Variants in DLGAP2 observed in about 807,000 individuals in gnomAD.
The protein encoded by DLGAP2 is DLG associated protein 2.
Under a neutral mutation model 100.3 loss-of-function variants are expected in DLGAP2, and 26 were observed. That is an observed-to-expected ratio of 0.26 (90% CI 0.19 to 0.36). The LOEUF (loss-of-function observed/expected upper bound fraction) is 0.36. Ranked by LOEUF, DLGAP2 falls within the 10% of genes least tolerant of loss-of-function variation. The pLI, the probability that DLGAP2 is intolerant of heterozygous loss-of-function variation, is 1.00. For missense variants in DLGAP2, 1,858 were observed against 1,453.2 expected, an observed-to-expected ratio of 1.28 and a Z score of -4.53; for synonymous variants, 886 against 630.1, an observed-to-expected ratio of 1.41 and a Z score of -6.08.
chr8:1,218,673 G>A (rs954356909), intron 2 of DLGAP2, among the ~76,000 whole-genome samples: 1 of 152,142 alleles, frequency 6.6e-6, no homozygotes, highest in Non-Finnish European at 1.5e-5. Context: ...GGAAAATCAT[G>A]TTGGTAGTTT....
chr8:1,509,729 A>G (rs1231462710), intron 4 of DLGAP2, among the ~76,000 whole-genome samples: 3 of 152,030 alleles, frequency 2.0e-5, no homozygotes, highest in Non-Finnish European at 2.9e-5. Flanking sequence ...TAACCTTCCT[A>G]CCTCGTTGGA....
chr8:1,357,907 T>C (rs1402736129), intron 3 of DLGAP2, among the ~76,000 whole-genome samples: 1 of 152,148 alleles, frequency 6.6e-6, no homozygotes, highest in Non-Finnish European at 1.5e-5. Flanking sequence ...GACATGGATG[T>C]TGGCTCCCCA....
At chr8:1,473,858 C>A (rs1026259269) in intron 3 of DLGAP2, among the ~76,000 whole-genome samples, 21 of 152,294 alleles carry the variant, frequency 1.4e-4, no homozygotes, top group Admixed American at 1.1e-3. Flanking sequence ...CATGTAAGAC[C>A]TGCCTTTCAC....
intron 2 of DLGAP2, among the ~76,000 whole-genome samples, chr8:989,756 A>G (rs960612585): frequency 6.6e-6 from 1 of 152,156 alleles, no homozygotes. Context: ...TGAAATACAT[A>G]ATATTGTTTT....
At chr8:983,924 G>T (rs1451087542) in intron 2 of DLGAP2, among the ~76,000 whole-genome samples, 1 of 152,162 alleles carries the variant, frequency 6.6e-6, no homozygotes, top group Non-Finnish European at 1.5e-5. Context: ...GCAGATGTGA[G>T]CCACTGTGCC....
At chr8:799,947 A>G (rs1238646574) in intron 1 of DLGAP2, among the ~76,000 whole-genome samples, 1 of 152,164 alleles carries the variant, frequency 6.6e-6, no homozygotes, top group Non-Finnish European at 1.5e-5. Context: ...TAATGCTGTA[A>G]TTGCAGTGAT....
At chr8:763,008 G>C (rs1459831643) in intron 1 of DLGAP2, among the ~76,000 whole-genome samples, 2 of 152,110 alleles carry the variant, frequency 1.3e-5, no homozygotes, top group African/African-American at 4.8e-5. Flanking sequence ...AGTAATGACA[G>C]TGGAGTAGGA....
intron 2 of DLGAP2, among the ~76,000 whole-genome samples, chr8:1,030,193 A>G (rs565637442): frequency 6.6e-6 from 1 of 152,310 alleles, no homozygotes; most frequent in South Asian, 2.1e-4. Flanking sequence ...TTGCTAACAG[A>G]CCCGAAAGCA....
chr8:1,701,188 G>T lies in DLGAP2; in HGVS notation c.2950G>T (p.Glu984Ter). 1 of 1,557,172 alleles carries T rather than the reference G, an allele frequency of 6.4e-7. No homozygotes were observed. The highest frequency in any genetic ancestry group is 2.4e-5 in the East Asian group (1 of 41,342). The change falls in exon 15 of 15, where the codon GAA becomes TAA. Residue 984 changes from glutamate (E) to a stop codon, truncating the protein, a stop_gained and splice_region_variant. Coordinates refer to ENST00000637795, the MANE Select transcript of DLGAP2 (RefSeq NM_001346810.2). LOFTEE classifies it high-confidence loss of function. ...WKMMESPERK[E>*]ERKVPPPIPK... ...AACGGTGACTTGCGCTGCTTTTCAG[G>T]AAGAAAGAAAGGTCCCGCCTCCAAT...
At chr8:1,415,025 A>G (rs1457656262) in intron 3 of DLGAP2, among the ~76,000 whole-genome samples, 2 of 151,674 alleles carry the variant, frequency 1.3e-5, no homozygotes, top group Non-Finnish European at 1.5e-5. Flanking sequence ...AAAAAAAAGA[A>G]GAAAAAAAAT....
At chr8:1,134,969 C>T (rs1796374526) in intron 2 of DLGAP2, among the ~76,000 whole-genome samples, 1 of 152,138 alleles carries the variant, frequency 6.6e-6, no homozygotes, top group African/African-American at 2.4e-5. Flanking sequence ...TCAATAGAAT[C>T]AATATCAAAC....
At chr8:1,166,658 C>G (rs1054786293) in intron 2 of DLGAP2, among the ~76,000 whole-genome samples, 5 of 152,262 alleles carry the variant, frequency 3.3e-5, no homozygotes, top group African/African-American at 1.2e-4. Flanking sequence ...AGCATGTCGT[C>G]TCTGTTTCCA....
intron 3 of DLGAP2, among the ~76,000 whole-genome samples, chr8:1,329,416 T>C (rs1430132842): frequency 6.6e-6 from 1 of 152,214 alleles, no homozygotes; most frequent in African/African-American, 2.4e-5. Flanking sequence ...GCTAGATCCG[T>C]TTTTCGAAGG....
At chr8:1,487,491 T>C (rs1356656850) in intron 3 of DLGAP2, among the ~76,000 whole-genome samples, 2 of 152,212 alleles carry the variant, frequency 1.3e-5, no homozygotes, top group Non-Finnish European at 2.9e-5. Flanking sequence ...CTGTAATTGA[T>C]TGAGTTGATT....
intron 3 of DLGAP2, among the ~76,000 whole-genome samples, chr8:1,445,420 C>G (rs1361366464): frequency 1.3e-5 from 2 of 151,868 alleles, no homozygotes; most frequent in Non-Finnish European, 2.9e-5. Context: ...GACATGAACT[C>G]TTCATTTTTT....
At chr8:1,671,748 C>T (rs899099447) in intron 10 of DLGAP2, among the ~76,000 whole-genome samples, 22 of 152,364 alleles carry the variant, frequency 1.4e-4, no homozygotes, top group Admixed American at 1.1e-3. Flanking sequence ...GTCCCCTGTT[C>T]CTCAGATGTC....
chr8:887,797 C>G (rs1252479801), intron 1 of DLGAP2, among the ~76,000 whole-genome samples: 1 of 152,020 alleles, frequency 6.6e-6, no homozygotes, highest in African/African-American at 2.4e-5. Context: ...GTCTGGCTGC[C>G]CTTAACGTTT....
chr8:854,734 G>A (rs1275785442), intron 1 of DLGAP2, among the ~76,000 whole-genome samples: 1 of 152,194 alleles, frequency 6.6e-6, no homozygotes, highest in Non-Finnish European at 1.5e-5. Context: ...TCTGCAGTCT[G>A]CAATGGCAGG....
rs548817391 is a variant in DLGAP2, at chr8:936,223, A to T, written c.73+28257A>T. ...GTGTGGCCCGGTCAGCAGAGCCTAG[A>T]GGGCCAGAGCAAGCAGCCTTGACTG... On this transcript the variant is annotated intron_variant, in intron 2 of 14. Transcript: ENST00000637795. Among the ~76,000 whole-genome samples, 6 of 152,310 alleles carry T rather than the reference A, an allele frequency of 3.9e-5. No individual in the cohort carries two copies. The South Asian group carries it at 1.2e-3, about 32-fold the overall frequency.
Sources: gnomAD v4.1 joint callset for allele counts (sites outside exome capture counted in the v4.1 genomes callset) on GRCh38, gnomAD v4.1.1 for gene constraint, MANE v1.5 for transcripts, NCBI Gene and HGNC (gene_info 2026-07-23, HGNC 2026-07-21) for gene names.